FHIT: variants seen among roughly 807,000 people sequenced by gnomAD.
FHIT encodes the protein bis(5'-adenosyl)-triphosphatase.
A neutral mutation model predicts 17.9 loss-of-function variants in FHIT; 19 were observed. The ratio of observed to expected loss-of-function variants is 1.06; its 90% CI spans 0.74 to 1.56. FHIT has a LOEUF of 1.56. Ranked by LOEUF, FHIT falls within the 40% of genes most tolerant of loss-of-function variation. The pLI is 0.00. For synonymous variants in FHIT, 81 were observed against 69.7 expected (o/e 1.16, Z -0.81); for missense variants, 248 against 189.2 (o/e 1.31, Z -1.82).
At chr3:60,242,501 T>A (rs1161199465) in intron 5 of FHIT, among the ~76,000 whole-genome samples, 1 of 152,098 alleles carries the variant, frequency 6.6e-6, no homozygotes, top group African/African-American at 2.4e-5. Context: ...ATAATCTTCA[T>A]GAGATAAATT....
At chr3:60,569,648 C>A (rs2037282375) in intron 4 of FHIT, among the ~76,000 whole-genome samples, 1 of 150,008 alleles carries the variant, frequency 6.7e-6, no homozygotes, top group Admixed American at 6.7e-5. Flanking sequence ...CCCTACATCT[C>A]AGTTTCCCCA....
intron 4 of FHIT, among the ~76,000 whole-genome samples, chr3:60,544,297 C>G (rs977145371): frequency 6.6e-6 from 1 of 151,422 alleles, no homozygotes; most frequent in Non-Finnish European, 1.5e-5. Flanking sequence ...TAATATGAAG[C>G]CTTTAATCAA....
chr3:60,351,707 G>A (rs1472166524), intron 5 of FHIT, among the ~76,000 whole-genome samples: 3 of 152,180 alleles, frequency 2.0e-5, no homozygotes, highest in Admixed American at 2.0e-4. Flanking sequence ...TACTTGCCCT[G>A]GGGCCTTGTG....
intron 5 of FHIT, among the ~76,000 whole-genome samples, chr3:60,328,731 T>A (rs533840595): frequency 6.6e-6 from 1 of 152,300 alleles, no homozygotes; most frequent in South Asian, 2.1e-4. Flanking sequence ...AATAATAAGA[T>A]TGTGCCCCAC....
chr3:59,913,865 G>T (rs1000473906), intron 8 of FHIT, among the ~76,000 whole-genome samples: 4 of 152,134 alleles, frequency 2.6e-5, no homozygotes, highest in South Asian at 2.1e-4. Flanking sequence ...AGAATTTAGA[G>T]CTACACAGGT....
intron 8 of FHIT, among the ~76,000 whole-genome samples, chr3:59,893,366 C>CT (rs1703935818): frequency 6.6e-6 from 1 of 152,174 alleles, no homozygotes; most frequent in Non-Finnish European, 1.5e-5. Context: ...TTTTAGACTA[C>CT]TGTACATGGC....
chr3:61,119,683 T>C (rs950655522), intron 2 of FHIT, among the ~76,000 whole-genome samples: 1 of 152,194 alleles, frequency 6.6e-6, no homozygotes, highest in African/African-American at 2.4e-5. Context: ...CACAAATGCA[T>C]GTGGCCATCA....
chr3:59,763,135 T>A (rs1346963759), intron 8 of FHIT, among the ~76,000 whole-genome samples: 1 of 152,224 alleles, frequency 6.6e-6, no homozygotes, highest in Non-Finnish European at 1.5e-5. Flanking sequence ...GAACAAGGAA[T>A]GGGAAGAGGC....
At chr3:60,050,301 T>A (rs1701820022) in intron 5 of FHIT, among the ~76,000 whole-genome samples, 1 of 152,210 alleles carries the variant, frequency 6.6e-6, no homozygotes, top group Middle Eastern at 3.2e-3. Context: ...ATAATTAAAT[T>A]CCTTAAATTT....
In FHIT at chr3:59,999,372, G is replaced by C. The variant is rs935622561; in HGVS notation, c.279+11999C>G. 3.3e-5 allele frequency among the ~76,000 whole-genome samples: 5 copies of C among 152,132 alleles called. No individual in the cohort carries two copies. In the East Asian group the frequency reaches 9.7e-4, roughly 29 times the overall value. ...GGAATTACCGTGTGGTCACGCACTA[G>C]AGGGAACCTATTGGAAGTTAAGCTC... On this transcript the variant is annotated intron_variant, in intron 7 of 9. Transcript: ENST00000492590.
At chr3:61,066,712 A>G (rs752931510) in intron 2 of FHIT, among the ~76,000 whole-genome samples, 16 of 152,198 alleles carry the variant, frequency 1.1e-4, no homozygotes, top group Non-Finnish European at 2.1e-4. Context: ...GCTGTAATGC[A>G]TCTTCTCTTT....
chr3:60,543,871 A>C (rs931324961), intron 4 of FHIT, among the ~76,000 whole-genome samples: 1 of 131,584 alleles, frequency 7.6e-6, no homozygotes, highest in East Asian at 2.7e-4. Context: ...CAGCCTCCAG[A>C]GTAGCTGGGA....
intron 5 of FHIT, among the ~76,000 whole-genome samples, chr3:60,150,918 CAA>C (rs57120371): frequency 3.3e-5 from 4 of 123,046 alleles, no homozygotes; most frequent in African/African-American, 2.9e-5. Context: ...GACTCCGCCT[CAA>C]AAAAAAAAAA....
At chr3:60,066,281 A>G (rs9820238) in intron 5 of FHIT, among the ~76,000 whole-genome samples, 11,662 of 152,216 alleles carry the variant, frequency 0.077, 601 homozygotes, top group African/African-American at 0.15. Flanking sequence ...TCTCATTTTT[A>G]TCTTGATACT....
At chr3:60,106,910 G>A (rs936706422) in intron 5 of FHIT, among the ~76,000 whole-genome samples, 4 of 152,076 alleles carry the variant, frequency 2.6e-5, no homozygotes, top group Non-Finnish European at 5.9e-5. Context: ...CCTTAGAAAT[G>A]TGAAACTTCC....
intron 5 of FHIT, among the ~76,000 whole-genome samples, chr3:60,377,131 A>G (rs1700595262): frequency 6.6e-6 from 1 of 152,160 alleles, no homozygotes; most frequent in South Asian, 2.1e-4. Flanking sequence ...CAGGAGAGGC[A>G]TAGAGTTCAT....
At chr3:60,544,504 G>A (rs989370356) in intron 4 of FHIT, among the ~76,000 whole-genome samples, 29 of 151,266 alleles carry the variant, frequency 1.9e-4, no homozygotes, top group African/African-American at 9.7e-5. Context: ...ATTCAACTCC[G>A]TCACAAGGTA....
intron 3 of FHIT, among the ~76,000 whole-genome samples, chr3:60,891,846 T>C (rs542396709): frequency 3.9e-5 from 6 of 152,174 alleles, no homozygotes; most frequent in East Asian, 3.9e-4. Context: ...AAAAACAATA[T>C]CATACTTGAT....
intron 5 of FHIT, among the ~76,000 whole-genome samples, chr3:60,321,289 G>A (rs1709414940): frequency 6.6e-6 from 1 of 152,108 alleles, no homozygotes; most frequent in Non-Finnish European, 1.5e-5. Context: ...AGATCAGCCT[G>A]GGCAACATGG....
Sources: allele counts gnomAD v4.1 joint callset (sites outside exome capture counted in the v4.1 genomes callset), GRCh38; gene constraint gnomAD v4.1.1; transcripts MANE v1.5; gene names NCBI Gene and HGNC (gene_info 2026-07-23, HGNC 2026-07-21).